The following EPSTI1 variants were observed in gnomAD, a reference collection of about 807,000 sequenced individuals.
The protein encoded by EPSTI1 is epithelial stromal interaction 1, also known as epithelial-stromal interaction protein 1.
In EPSTI1, 66 loss-of-function variants were observed where a neutral mutation model predicts 49.9. That is an observed-to-expected ratio of 1.32 (90% CI 1.08 to 1.62). The LOEUF (loss-of-function observed/expected upper bound fraction) is 1.62, where lower values mean the gene tolerates loss of function less well. EPSTI1 is among the 40% of genes most tolerant of loss of function. The probability of loss-of-function intolerance (pLI) is 0.00; values close to 1 mark genes in which losing one functional copy is unlikely to be tolerated. For missense variants in EPSTI1, 394 were observed against 365.5 expected, an observed-to-expected ratio of 1.08 and a Z score of -0.64; for synonymous variants, 137 against 130.7, an observed-to-expected ratio of 1.05 and a Z score of -0.33.
At chr13:42,896,824 G>A (rs1469583116) in intron 9 of EPSTI1, among the ~76,000 whole-genome samples, 1 of 152,184 alleles carries the variant, frequency 6.6e-6, no homozygotes, top group African/African-American at 2.4e-5. Context: ...CATCACATGG[G>A]GTGAGGTGTG....
intron 10 of EPSTI1, among the ~76,000 whole-genome samples, chr13:42,891,625 A>C (rs777944152): frequency 6.6e-6 from 1 of 152,092 alleles, no homozygotes; most frequent in Non-Finnish European, 1.5e-5. Flanking sequence ...CAAACGTTTT[A>C]TACATCGTGA....
chr13:42,909,466 G>A (rs1375016707), intron 8 of EPSTI1, among the ~76,000 whole-genome samples: 1 of 152,124 alleles, frequency 6.6e-6, no homozygotes, highest in African/African-American at 2.4e-5. Context: ...AAACAAGTAT[G>A]TCAAAGAGAT....
intron 8 of EPSTI1, among the ~76,000 whole-genome samples, chr13:42,911,931 C>T (rs1452789200): frequency 6.6e-6 from 1 of 152,096 alleles, no homozygotes; most frequent in Non-Finnish European, 1.5e-5. Context: ...ATTTTGAGTA[C>T]AGCTTTACAT....
intron 1 of EPSTI1, among the ~76,000 whole-genome samples, chr13:42,973,099 C>T (rs895051867): frequency 2.0e-5 from 3 of 152,194 alleles, no homozygotes; most frequent in Admixed American, 2.0e-4. Context: ...TTTCCAAGTC[C>T]ATGAGTCTCT....
intron 1 of EPSTI1, among the ~76,000 whole-genome samples, chr13:42,977,702 T>C (rs954565728): frequency 1.3e-5 from 2 of 152,222 alleles, no homozygotes; most frequent in African/African-American, 4.8e-5. Context: ...ACTGCCCAAC[T>C]TCAAACCCTA....
At chr13:42,934,787 G>T in intron 6 of EPSTI1, 1 of 197,372 alleles carries the variant, frequency 5.1e-6, no homozygotes. Flanking sequence ...CATCAGGAAA[G>T]CTCCAAATCT....
intron 1 of EPSTI1, among the ~76,000 whole-genome samples, chr13:42,972,842 G>C (rs189673515): frequency 2.0e-5 from 3 of 151,722 alleles, no homozygotes; most frequent in Admixed American, 2.0e-4. Flanking sequence ...ATGAGTTCTG[G>C]ATGGGGAAAA....
intron 5 of EPSTI1, among the ~76,000 whole-genome samples, chr13:42,963,030 C>A (rs2039502113): frequency 6.6e-6 from 1 of 152,124 alleles, no homozygotes; most frequent in Non-Finnish European, 1.5e-5. Context: ...AGGCTATGCT[C>A]CGTAAAGAGA....
At chr13:42,911,048 C>A (rs956296133) in intron 8 of EPSTI1, among the ~76,000 whole-genome samples, 1 of 152,188 alleles carries the variant, frequency 6.6e-6, no homozygotes, top group Admixed American at 6.5e-5. Context: ...CATGACCTAT[C>A]CTATTGCAGT....
At position 42,895,048 on chromosome 13, in the gene EPSTI1, T is replaced by G; in HGVS notation, c.876A>C (p.Gln292His). The G allele has an allele frequency of 6.2e-7, 1 of 1,613,550 alleles. No individual in the cohort carries two copies. Among genetic ancestry groups the G allele is most frequent in the African/African-American group, 1.3e-5 (1 of 75,052 alleles). Reference sequence around the variant, plus strand: ...TATTCATATTCCAACAGCCTCCAGATTGCTCGAGGCCACCTGGTTGACTTT... The same window carrying G: ...TATTCATATTCCAACAGCCTCCAGAGTGCTCGAGGCCACCTGGTTGACTTT... ...QGKSQPGGLE[Q>H]SGGCWNMNSG... The change falls in exon 10 of 11, where the codon CAA becomes CAC. Residue 292 changes from glutamine to histidine, a missense_variant. By Grantham distance (24) the Gln-to-His change is conservative. Coordinates refer to ENST00000313624, the MANE Select transcript of EPSTI1 (RefSeq NM_033255.5).
intron 1 of EPSTI1, among the ~76,000 whole-genome samples, chr13:42,984,932 T>A (rs1378029879): frequency 6.6e-6 from 1 of 152,138 alleles, no homozygotes; most frequent in Non-Finnish European, 1.5e-5. Flanking sequence ...CAGACATAAA[T>A]AAGATGTCTA....
At chr13:42,928,848 T>C (rs2038270212) in intron 6 of EPSTI1, among the ~76,000 whole-genome samples, 1 of 152,202 alleles carries the variant, frequency 6.6e-6, no homozygotes, top group Admixed American at 6.5e-5. Context: ...GAATGCCACA[T>C]CCAGTACTAA....
At chr13:42,981,630 C>T (rs901123657) in intron 1 of EPSTI1, among the ~76,000 whole-genome samples, 11 of 152,336 alleles carry the variant, frequency 7.2e-5, no homozygotes, top group African/African-American at 2.6e-4. Flanking sequence ...CCGTCCTGCA[C>T]AAACAGGAAT....
intron 7 of EPSTI1, among the ~76,000 whole-genome samples, chr13:42,924,090 A>C (rs1445101814): frequency 6.6e-6 from 1 of 152,254 alleles, no homozygotes; most frequent in African/African-American, 2.4e-5. Context: ...TGCAATGTAC[A>C]TATTTGATTT....
rs143499520 is a variant in EPSTI1 at position 42,927,054 on chromosome 13, G to C, written c.564-625C>G. ...AGTCCTTTGCATTTTGTTTCAGAGA[G>C]AGGATAAACCCTCCATAGGGTTTAT... On this transcript the variant is annotated intron_variant, in intron 6 of 10. Transcript: ENST00000313624. Among the ~76,000 whole-genome samples the C allele has an allele frequency of 5.7e-3, 859 of 151,656 alleles. 12 individuals carry two copies. The highest frequency in any genetic ancestry group is 0.019 in the African/African-American group (793 of 41,332).
chr13:42,895,886 A>G (rs1336637996), intron 9 of EPSTI1, among the ~76,000 whole-genome samples: 2 of 152,186 alleles, frequency 1.3e-5, no homozygotes, highest in Non-Finnish European at 2.9e-5. Context: ...GGAAGCAGAA[A>G]CACAATGCCT....
chr13:42,991,186 G>A (rs1322216720), intron 1 of EPSTI1: 1 of 152,270 alleles, frequency 6.6e-6, no homozygotes, highest in African/African-American at 2.4e-5. Context: ...CTCCTACCTA[G>A]AGGCAGAATT....
intron 1 of EPSTI1, among the ~76,000 whole-genome samples, chr13:42,990,179 A>G (rs2040168667): frequency 6.6e-6 from 1 of 151,596 alleles, no homozygotes; most frequent in Admixed American, 6.6e-5. Flanking sequence ...CATGAGGAAA[A>G]AAAAAAAAAA....
intron 6 of EPSTI1, among the ~76,000 whole-genome samples, chr13:42,935,421 G>T (rs867031378): frequency 6.6e-6 from 1 of 152,160 alleles, no homozygotes; most frequent in African/African-American, 2.4e-5. Context: ...CTCTGAGTCT[G>T]CACCAGAACA....
Sources: allele counts gnomAD v4.1 joint callset (sites outside exome capture counted in the v4.1 genomes callset), GRCh38; gene constraint gnomAD v4.1.1; transcripts MANE v1.5; gene names NCBI Gene and HGNC (gene_info 2026-07-23, HGNC 2026-07-21).